Variants in GRIN2B observed in about 807,000 individuals in gnomAD.
GRIN2B encodes the protein glutamate ionotropic receptor NMDA type subunit 2B.
In GRIN2B, 5 loss-of-function variants were observed where a neutral mutation model predicts 114.5. The observed-to-expected ratio is 0.04, with a 90% confidence interval of 0.02 to 0.09. GRIN2B has a LOEUF of 0.09. Among genes scored for constraint, GRIN2B ranks in the 10% least tolerant of loss-of-function variants. GRIN2B has a pLI of 1.00. For missense variants in GRIN2B, 1,108 were observed against 1,943.5 expected (o/e 0.57, Z 8.08); for synonymous variants, 787 against 745.1 (o/e 1.06, Z -0.92).
chr12:13,859,336 A>C (rs1033040158), intron 3 of GRIN2B, among the ~76,000 whole-genome samples: 4 of 152,186 alleles, frequency 2.6e-5, no homozygotes, highest in Non-Finnish European at 5.9e-5. Context: ...TATTTCTATG[A>C]ATGTCGAAGC....
At chr12:13,692,860 C>A (rs962271043) in intron 4 of GRIN2B, among the ~76,000 whole-genome samples, 3 of 146,240 alleles carry the variant, frequency 2.1e-5, no homozygotes, top group Admixed American at 7.0e-5. Context: ...CGTCCACCTC[C>A]TGGGTTCAAG....
intron 3 of GRIN2B, among the ~76,000 whole-genome samples, chr12:13,814,899 T>C (rs1293901831): frequency 6.6e-6 from 1 of 152,232 alleles, no homozygotes; most frequent in Non-Finnish European, 1.5e-5. Context: ...TATTTTCTAG[T>C]TCTTCTTGTC....
rs112530097 is a variant in GRIN2B at position 13,888,591 on chromosome 12, G to A, written c.-18-22365C>T. On this transcript the variant is annotated intron_variant, in intron 2 of 13. Transcript: ENST00000609686. ...TCTACTAAAAATACAAAAATTAGCCGGGTGTGGTGGTGCACTCCTGTGATC... is the reference window on the plus strand; with the variant it reads ...TCTACTAAAAATACAAAAATTAGCCAGGTGTGGTGGTGCACTCCTGTGATC... Among the ~76,000 whole-genome samples, 1,085 of 151,764 alleles carry A rather than the reference G, an allele frequency of 7.1e-3. 18 individuals are homozygous for A. The highest frequency in any genetic ancestry group is 0.024 in the African/African-American group (1,000 of 41,390).
At chr12:13,707,247 C>G (rs1950368632) in intron 4 of GRIN2B, among the ~76,000 whole-genome samples, 1 of 152,110 alleles carries the variant, frequency 6.6e-6, no homozygotes, top group African/African-American at 2.4e-5. Flanking sequence ...AACAACAGAT[C>G]TACACCAGCA....
chr12:13,790,426 GA>G (rs1175473017), intron 3 of GRIN2B, among the ~76,000 whole-genome samples: 1 of 152,102 alleles, frequency 6.6e-6, no homozygotes, highest in Non-Finnish European at 1.5e-5. Context: ...ACATTTAATA[GA>G]AACAAAGAAG....
intron 4 of GRIN2B, among the ~76,000 whole-genome samples, chr12:13,688,564 A>T (rs904096343): frequency 6.6e-6 from 1 of 152,174 alleles, no homozygotes; most frequent in African/African-American, 2.4e-5. Context: ...ACAGGAGAAA[A>T]ACCACACAGC....
At chr12:13,739,374 C>CAAAAAAACAAAAAA in intron 4 of GRIN2B, among the ~76,000 whole-genome samples, 1 of 59,374 alleles carries the variant, frequency 1.7e-5, no homozygotes, top group South Asian at 1.1e-3. Flanking sequence ...AACTCCGTCT[C>CAAAAAAACAAAAAA]AAAAAAAAAA....
chr12:13,788,665 C>T (rs1864260666), intron 3 of GRIN2B, among the ~76,000 whole-genome samples: 1 of 134,400 alleles, frequency 7.4e-6, no homozygotes, highest in Non-Finnish European at 1.6e-5. Context: ...CCCTTCTTTC[C>T]TTTTCGAGGA....
rs57206826 is a variant in GRIN2B, at chr12:13,547,981, A to ATTTTTTTTTTTTTTTTT, written c.*14801_*14802insAAAAAAAAAAAAAAAAA. ...TGTGTATATATATATATATATATAT[A>ATTTTTTTTTTTTTTTTT]TTTTTTTTTTTTTTCTGAAAGCTAC... On this transcript the variant is annotated 3_prime_UTR_variant, in exon 14 of 14. Transcript: ENST00000609686. 2.5e-4 allele frequency: 17 copies of ATTTTTTTTTTTTTTTTT among 68,582 alleles called. 2 individuals carry two copies. The highest frequency in any genetic ancestry group is 1.5e-3 in the South Asian group (2 of 1,378). The allele number at this position is 68,582 out of a possible 1,614,324, so 4.2% of individuals were successfully genotyped here.
chr12:13,760,969 A>G (rs1000540537), intron 3 of GRIN2B, among the ~76,000 whole-genome samples: 1 of 152,202 alleles, frequency 6.6e-6, no homozygotes, highest in Admixed American at 6.5e-5. Flanking sequence ...TTTTGCGAAC[A>G]GTGTCTTGCA....
At position 13,578,914 on chromosome 12, in the gene GRIN2B, A is replaced by T. The variant is rs140929689; in HGVS notation, c.2011-6950T>A. On this transcript the variant is annotated intron_variant, in intron 10 of 13. Coordinates refer to ENST00000609686, the MANE Select transcript of GRIN2B (RefSeq NM_000834.5). The stretch of plus-strand genomic sequence containing the variant: ...GGGGGAAAATGTATCAGGCTCAGGA[A>T]ACAGCAAATGCAAAGGTTCTGACAT... Among the ~76,000 whole-genome samples the T allele has an allele frequency of 6.9e-3, 1,056 of 152,232 alleles. 2 individuals are homozygous for T. The highest frequency in any genetic ancestry group is 0.017 in the Middle Eastern group (5 of 294).
At position 13,753,072 on chromosome 12, in the gene GRIN2B, A is replaced by C. The variant is rs183862381; in HGVS notation, c.1010+245T>G. Among the ~76,000 whole-genome samples, 27 of 152,360 alleles carry C rather than the reference A, an allele frequency of 1.8e-4. No individual in the cohort carries two copies. The East Asian group carries it at 4.8e-3, about 27-fold the overall frequency. ...TAGAGTTATTTTGAGGATCAAATGA[A>C]ACCAAACATGCAAAACCCTTAGAGT... On this transcript the variant is annotated intron_variant, in intron 4 of 13. Coordinates refer to ENST00000609686, the MANE Select transcript of GRIN2B (RefSeq NM_000834.5). This position sits in a 1 kb window ranked among gnomAD's most constrained non-coding sequence, Gnocchi z 6.2.
Position 13,979,448 on chromosome 12 carries a change from C to G in GRIN2B, c.-19+480G>C, listed in dbSNP as rs1405675046. The stretch of plus-strand genomic sequence containing the variant: ...CATTATTTTTATCTGTTTTAAAGGG[C>G]ATAGAAAGGATGCCTAGAAAGGTAA... On this transcript the variant is annotated intron_variant, in intron 2 of 13. Transcript: ENST00000609686. 2.1e-5 allele frequency among the ~76,000 whole-genome samples: 3 copies of G among 145,842 alleles called. No individual in the cohort carries two copies. The East Asian group carries it at 6.0e-4, about 29-fold the overall frequency.
At chr12:13,953,943 A>AT (rs1417524989) in intron 2 of GRIN2B, among the ~76,000 whole-genome samples, 1 of 152,202 alleles carries the variant, frequency 6.6e-6, no homozygotes, top group Non-Finnish European at 1.5e-5. Context: ...CAGACTAGGG[A>AT]TAAAAACCCC....
At chr12:13,926,676 G>A (rs7978741) in intron 2 of GRIN2B, among the ~76,000 whole-genome samples, 4,245 of 152,266 alleles carry the variant, frequency 0.028, 200 homozygotes, top group African/African-American at 0.097. Flanking sequence ...ATTTGTGGCC[G>A]GGTGTGGTGG....
chr12:13,904,182 T>G (rs1866501692), intron 2 of GRIN2B, among the ~76,000 whole-genome samples: 1 of 149,664 alleles, frequency 6.7e-6, no homozygotes, highest in Non-Finnish European at 1.5e-5. Flanking sequence ...TTTTGTGTTT[T>G]CTATTTGTTC....
At chr12:13,771,617 C>T (rs889820437) in intron 3 of GRIN2B, among the ~76,000 whole-genome samples, 1 of 152,188 alleles carries the variant, frequency 6.6e-6, no homozygotes, top group Admixed American at 6.6e-5. Context: ...TAATTCTTAG[C>T]TCATAGAACT....
chr12:13,578,614 A>T (rs868172909), intron 10 of GRIN2B, among the ~76,000 whole-genome samples: 8 of 152,192 alleles, frequency 5.3e-5, no homozygotes, highest in African/African-American at 1.9e-4. Flanking sequence ...CTACCCAAAT[A>T]TCTGACCCAC....
intron 3 of GRIN2B, among the ~76,000 whole-genome samples, chr12:13,857,706 A>G (rs1195047180): frequency 6.6e-6 from 1 of 151,974 alleles, no homozygotes; most frequent in Non-Finnish European, 1.5e-5. Flanking sequence ...TGTTGACTAC[A>G]CTGTCTGTTG....
Sources: gnomAD v4.1 joint callset for allele counts (sites outside exome capture counted in the v4.1 genomes callset) on GRCh38, gnomAD v4.1.1 for gene constraint, Gnocchi (gnomAD v3.1) non-coding constraint, MANE v1.5 for transcripts, NCBI Gene and HGNC (gene_info 2026-07-23, HGNC 2026-07-21) for gene names.